Variants in ATG7 observed in about 807,000 individuals in gnomAD.
The protein encoded by ATG7 is ubiquitin-like modifier-activating enzyme ATG7.
ATG7 carries 70 observed loss-of-function variants against 82.4 expected under a neutral mutation model. That is an observed-to-expected ratio of 0.85 (90% CI 0.70 to 1.04). The LOEUF is 1.04. ATG7 is among the 50% of genes least tolerant of loss of function. The probability of loss-of-function intolerance (pLI) is 0.00; values close to 1 mark genes in which losing one functional copy is unlikely to be tolerated. For missense variants in ATG7, 792 were observed against 864.3 expected, an observed-to-expected ratio of 0.92 and a Z score of 1.05; for synonymous variants, 287 against 313.0, an observed-to-expected ratio of 0.92 and a Z score of 0.88.
chr3:11,524,658 A>G (rs1223012024), intron 20 of ATG7, among the ~76,000 whole-genome samples: 1 of 152,148 alleles, frequency 6.6e-6, no homozygotes, highest in Non-Finnish European at 1.5e-5. Context: ...ATGGTAGTGC[A>G]TATCTGTAGT....
At chr3:11,449,043 C>T (rs948376911) in intron 20 of ATG7, among the ~76,000 whole-genome samples, 3 of 152,194 alleles carry the variant, frequency 2.0e-5, no homozygotes, top group African/African-American at 7.2e-5. Context: ...TCATCCTTCC[C>T]TTCATTGAAC....
intron 18 of ATG7, among the ~76,000 whole-genome samples, chr3:11,378,949 G>T (rs1216840716): frequency 6.6e-6 from 1 of 152,072 alleles, no homozygotes; most frequent in African/African-American, 2.4e-5. Flanking sequence ...CTGTTCAAGT[G>T]AGAGTGTTAA....
chr3:11,550,008 A>C (rs775765841), intron 20 of ATG7, among the ~76,000 whole-genome samples: 17 of 152,140 alleles, frequency 1.1e-4, no homozygotes, highest in Non-Finnish European at 1.2e-4. Flanking sequence ...ATTTGCCATT[A>C]TATTTCCTCT....
At chr3:11,521,427 A>G (rs2124917920) in intron 20 of ATG7, among the ~76,000 whole-genome samples, 1 of 152,236 alleles carries the variant, frequency 6.6e-6, no homozygotes, top group East Asian at 1.9e-4. Context: ...GACGTTTTAG[A>G]CTGGGGAAAA....
intron 19 of ATG7, among the ~76,000 whole-genome samples, chr3:11,410,568 A>G (rs943950997): frequency 1.3e-5 from 2 of 152,180 alleles, no homozygotes; most frequent in East Asian, 1.9e-4. Context: ...CTGAAACTCT[A>G]TAACCATCAA....
At chr3:11,510,134 A>C (rs2091972420) in intron 20 of ATG7, 1 of 436,910 alleles carries the variant, frequency 2.3e-6, no homozygotes, top group African/African-American at 2.0e-5. Context: ...GAAGGAAGGT[A>C]CGTGCCTGAC....
At chr3:11,568,441 C>T in the ATG7 span, among the ~76,000 whole-genome samples, 15 of 152,300 alleles carry the variant, frequency 9.8e-5, no homozygotes, top group Admixed American at 3.9e-4. This position sits in a 1 kb window ranked among gnomAD's most constrained non-coding sequence, Gnocchi z 5.9. Flanking sequence ...GCCCACCCTA[C>T]GCAGGGCAGC....
chr3:11,519,460 G>A (rs777271562), intron 20 of ATG7, among the ~76,000 whole-genome samples: 4 of 151,220 alleles, frequency 2.6e-5, no homozygotes, highest in Admixed American at 6.6e-5. Context: ...TTCTCAGTGC[G>A]GAGGGGTAAA....
chr3:11,475,429 G>C (rs1318293077), intron 20 of ATG7, among the ~76,000 whole-genome samples: 1 of 152,160 alleles, frequency 6.6e-6, no homozygotes, highest in African/African-American at 2.4e-5. Context: ...CAGGGGGCTG[G>C]CGAGATGCGT....
chr3:11,329,624 CTT>C (rs761459788), intron 9 of ATG7, among the ~76,000 whole-genome samples: 1 of 152,236 alleles, frequency 6.6e-6, no homozygotes, highest in African/African-American at 2.4e-5. Flanking sequence ...TCCATATGCT[CTT>C]TGTCTTCCTT....
chr3:11,519,027 T>C (rs2092362323), intron 20 of ATG7, among the ~76,000 whole-genome samples: 1 of 152,188 alleles, frequency 6.6e-6, no homozygotes, highest in African/African-American at 2.4e-5. Flanking sequence ...CAGTGCTATT[T>C]TTCATTGATC....
chr3:11,414,081 T>C (rs566258094), intron 19 of ATG7, among the ~76,000 whole-genome samples: 148 of 152,328 alleles, frequency 9.7e-4, no homozygotes, highest in Middle Eastern at 3.4e-3. Context: ...TGTTTTGTTT[T>C]GTTTTTGACA....
chr3:11,423,400 G>A (rs1030162071), intron 19 of ATG7, among the ~76,000 whole-genome samples: 1 of 152,184 alleles, frequency 6.6e-6, no homozygotes. Context: ...ACAGAGACAC[G>A]AAGTGAGCAC....
chr3:11,277,868 A>G (rs909515253), intron 1 of ATG7, among the ~76,000 whole-genome samples: 52 of 118,236 alleles, frequency 4.4e-4, no homozygotes, highest in Non-Finnish European at 3.6e-4. Flanking sequence ...TAAGACAGAC[A>G]CTCCCAGAGC....
chr3:11,418,882 A>G (rs1188690156), intron 19 of ATG7, among the ~76,000 whole-genome samples: 3 of 152,042 alleles, frequency 2.0e-5, no homozygotes, highest in Non-Finnish European at 2.9e-5. Context: ...GGCAGGAGAA[A>G]GAGAGCAAAG....
chr3:11,416,405 A>AT (rs2152924776), intron 19 of ATG7, among the ~76,000 whole-genome samples: 1 of 152,192 alleles, frequency 6.6e-6, no homozygotes, highest in East Asian at 1.9e-4. Context: ...CCTGTTTAGA[A>AT]TTTCCATTTT....
At chr3:11,418,281 T>TA (rs1195313323) in intron 19 of ATG7, among the ~76,000 whole-genome samples, 1 of 151,392 alleles carries the variant, frequency 6.6e-6, no homozygotes, top group African/African-American at 2.4e-5. Context: ...TTTTTTTTTT[T>TA]TTTTATATTT....
At chr3:11,361,286 CTTT>C (rs760437157) in intron 16 of ATG7, among the ~76,000 whole-genome samples, 8 of 139,020 alleles carry the variant, frequency 5.8e-5, no homozygotes, top group East Asian at 2.1e-4. Flanking sequence ...ATAATGAATT[CTTT>C]TTTTTTTTTT....
At chr3:11,568,276 G>C in the ATG7 span, among the ~76,000 whole-genome samples, 1 of 152,234 alleles carries the variant, frequency 6.6e-6, no homozygotes, top group Admixed American at 6.5e-5. This position sits in a 1 kb window ranked among gnomAD's most constrained non-coding sequence, Gnocchi z 5.9. Context: ...CAGTCACGCA[G>C]ATGACTCAGC....
Sources: gnomAD v4.1 joint callset for allele counts (sites outside exome capture counted in the v4.1 genomes callset) on GRCh38, gnomAD v4.1.1 for gene constraint, Gnocchi (gnomAD v3.1) non-coding constraint, MANE v1.5 for transcripts, NCBI Gene and HGNC (gene_info 2026-07-23, HGNC 2026-07-21) for gene names.